Variants in CACNA2D3 observed in about 807,000 individuals in gnomAD.
The protein encoded by CACNA2D3 is voltage-dependent calcium channel subunit alpha-2/delta-3.
Under a neutral mutation model 160.6 loss-of-function variants are expected in CACNA2D3, and 60 were observed. The ratio of observed to expected loss-of-function variants is 0.37; its 90% CI spans 0.30 to 0.46. The LOEUF (loss-of-function observed/expected upper bound fraction) is 0.46, where lower values mean the gene tolerates loss of function less well. Ranked by LOEUF, CACNA2D3 falls within the 20% of genes least tolerant of loss-of-function variation. The probability of loss-of-function intolerance (pLI) is 1.00; values close to 1 mark genes in which losing one functional copy is unlikely to be tolerated. For synonymous variants in CACNA2D3, 558 were observed against 492.9 expected, an observed-to-expected ratio of 1.13 and a Z score of -1.75; for missense variants, 1,205 against 1,365.0, an observed-to-expected ratio of 0.88 and a Z score of 1.85.
chr3:54,582,013 T>C (rs1702686423), intron 9 of CACNA2D3, 136 bp downstream of exon 9: 1 of 631,436 alleles, frequency 1.6e-6, no homozygotes, highest in South Asian at 2.2e-5. Flanking sequence ...GTGTAGAATA[T>C]TTATTAAGAG....
At chr3:54,688,136 G>A (rs1008827826) in intron 11 of CACNA2D3, among the ~76,000 whole-genome samples, 13 of 152,264 alleles carry the variant, frequency 8.5e-5, no homozygotes, top group African/African-American at 3.1e-4. Context: ...TTTAAAAACA[G>A]AAGAAAAGAA....
chr3:54,324,339 C>T (rs1704075757), intron 3 of CACNA2D3, among the ~76,000 whole-genome samples: 1 of 152,168 alleles, frequency 6.6e-6, no homozygotes, highest in Admixed American at 6.5e-5. Flanking sequence ...CCTATTTTCT[C>T]CCCGTCAGAT....
chr3:54,823,286 G>T (rs968421857), intron 14 of CACNA2D3, among the ~76,000 whole-genome samples: 9 of 151,968 alleles, frequency 5.9e-5, no homozygotes, highest in Non-Finnish European at 1.2e-4. Context: ...CATTTGACGT[G>T]TTCATGTACT....
At chr3:54,464,631 G>T (rs370902755) in intron 4 of CACNA2D3, among the ~76,000 whole-genome samples, 5 of 152,206 alleles carry the variant, frequency 3.3e-5, no homozygotes, top group African/African-American at 1.2e-4. Context: ...GTCGGAAAAG[G>T]GCAGTATTAG....
chr3:54,658,061 A>C (rs1699906077), intron 11 of CACNA2D3, among the ~76,000 whole-genome samples: 1 of 152,156 alleles, frequency 6.6e-6, no homozygotes, highest in Non-Finnish European at 1.5e-5. Flanking sequence ...TGTACACTAC[A>C]TTTTCTTTAT....
chr3:54,582,353 GC>G (rs1553737303), intron 9 of CACNA2D3, among the ~76,000 whole-genome samples: 2 of 152,186 alleles, frequency 1.3e-5, no homozygotes, highest in Non-Finnish European at 2.9e-5. Flanking sequence ...GCCAAGCATT[GC>G]CTGTTCCATT....
chr3:54,626,684 C>CAAAAAAAAAAAAAAA lies in CACNA2D3; in HGVS notation c.964-1092_964-1078dup, dbSNP rs71096430. The CAAAAAAAAAAAAAAA allele has an allele frequency of 1.7e-4, 55 of 318,206 alleles. 1 individual carries two copies. Among genetic ancestry groups the CAAAAAAAAAAAAAAA allele is most frequent in the African/African-American group, 6.5e-4 (14 of 21,578 alleles). 19.7% of individuals were successfully genotyped at this position (318,206 alleles called of 1,614,324 possible). On this transcript the variant is annotated intron_variant, in intron 9 of 37. Coordinates refer to ENST00000474759, the MANE Select transcript of CACNA2D3 (RefSeq NM_018398.3). ...TAATAAAGGCGCACATGGTTCCAGT[C>CAAAAAAAAAAAAAAA]AAAAAAAAAAAAAAAAAAAAAAAAA...
intron 2 of CACNA2D3, among the ~76,000 whole-genome samples, chr3:54,190,658 A>C (rs1205884259): frequency 6.6e-6 from 1 of 152,210 alleles, no homozygotes; most frequent in East Asian, 1.9e-4. Flanking sequence ...CTTTGATGCC[A>C]TTGGCAGTGA....
intron 13 of CACNA2D3, among the ~76,000 whole-genome samples, chr3:54,815,273 A>C (rs1703421973): frequency 6.6e-6 from 1 of 152,132 alleles, no homozygotes; most frequent in South Asian, 2.1e-4. Flanking sequence ...AAGTGTTGGA[A>C]ATTGAGTGTT....
intron 2 of CACNA2D3, among the ~76,000 whole-genome samples, chr3:54,140,625 C>T (rs919749027): frequency 4.6e-5 from 7 of 152,176 alleles, no homozygotes; most frequent in Non-Finnish European, 8.8e-5. Flanking sequence ...TTCAGACAGC[C>T]CTGGGTTCAC....
intron 8 of CACNA2D3, among the ~76,000 whole-genome samples, chr3:54,575,042 T>G (rs2106728299): frequency 6.6e-6 from 1 of 152,392 alleles, no homozygotes; most frequent in East Asian, 1.9e-4. Flanking sequence ...TCATTTGTTC[T>G]GTACTACTAA....
At chr3:54,456,474 G>T (rs897081644) in intron 4 of CACNA2D3, among the ~76,000 whole-genome samples, 18 of 151,690 alleles carry the variant, frequency 1.2e-4, no homozygotes, top group African/African-American at 3.4e-4. Context: ...GAGTCTTTAG[G>T]TTGTTTTTCT....
chr3:54,475,867 ACT>A (rs1441150671), intron 4 of CACNA2D3, among the ~76,000 whole-genome samples: 3 of 106,730 alleles, frequency 2.8e-5, no homozygotes, highest in African/African-American at 3.5e-5. Context: ...CTGAAGATCT[ACT>A]CTCAACAAAT....
intron 3 of CACNA2D3, among the ~76,000 whole-genome samples, chr3:54,369,801 C>G (rs57766380): frequency 0.022 from 3,286 of 152,266 alleles, 114 homozygotes; most frequent in African/African-American, 0.075. Flanking sequence ...ACCCTTATAT[C>G]CCTATAACTC....
chr3:54,987,675 C>T lies in CACNA2D3; in HGVS notation c.2620-8C>T. The T allele has an allele frequency of 6.3e-7, 1 of 1,588,398 alleles. No individual in the cohort carries two copies. Among genetic ancestry groups the T allele is most frequent in the Non-Finnish European group, 8.6e-7 (1 of 1,167,332 alleles). On this transcript the variant is annotated splice_region_variant and splice_polypyrimidine_tract_variant and intron_variant, in intron 30 of 37. Transcript: ENST00000474759. Reference sequence around the variant, plus strand: ...TCTACACCTCCTCATATGTCTTCTTCCCCATAGACTGGAGACTTTTTTGGT... The same window carrying T: ...TCTACACCTCCTCATATGTCTTCTTTCCCATAGACTGGAGACTTTTTTGGT...
intron 2 of CACNA2D3, among the ~76,000 whole-genome samples, chr3:54,124,702 G>A (rs760854205): frequency 6.6e-6 from 1 of 152,136 alleles, no homozygotes; most frequent in Non-Finnish European, 1.5e-5. Flanking sequence ...GTAATAAAGC[G>A]TTGGCCCACC....
At chr3:54,763,845 GTACATATATA>G in intron 12 of CACNA2D3, among the ~76,000 whole-genome samples, 1 of 51,976 alleles carries the variant, frequency 1.9e-5, no homozygotes, top group East Asian at 4.1e-4. Context: ...GTATATATAT[GTACATATATA>G]TACATATATA....
Position 54,580,649 on chromosome 3 carries a change from T to A in CACNA2D3, c.889-1154T>A, listed in dbSNP as rs190652154. 6.6e-5 allele frequency among the ~76,000 whole-genome samples: 10 copies of A among 152,340 alleles called. No homozygotes were observed. In the East Asian group the frequency reaches 1.9e-3, roughly 29 times the overall value. On this transcript the variant is annotated intron_variant, in intron 8 of 37. Coordinates refer to ENST00000474759, the MANE Select transcript of CACNA2D3 (RefSeq NM_018398.3). ...ACCTACTGTGGGTCCAGCCCTGTGC[T>A]TGCTGCAGAAAATAACACCGAAGGA...
In CACNA2D3 at chr3:54,569,981, A is replaced by G. The variant is rs1702468295; in HGVS notation, c.765A>G (p.Lys255=). ...KWYIQAATSP[K]DVVILVDVSG... is the part of the protein sequence containing the mutation. ...ACATCCAGGCAGCAACTTCTCCGAA[A>G]GACGTGGTCATTTTAGTTGACGTCA... Residue 255 remains lysine, a synonymous_variant, in exon 8 of 38, where the codon AAA becomes AAG. Transcript: ENST00000474759. 4 of 1,614,012 alleles carry G rather than the reference A, an allele frequency of 2.5e-6. No individual in the cohort carries two copies. The highest frequency in any genetic ancestry group is 3.4e-6 in the Non-Finnish European group (4 of 1,179,882).
Sources: allele counts gnomAD v4.1 joint callset (sites outside exome capture counted in the v4.1 genomes callset), GRCh38; gene constraint gnomAD v4.1.1; transcripts MANE v1.5; gene names NCBI Gene and HGNC (gene_info 2026-07-23, HGNC 2026-07-21).